ABCC2: variants seen among roughly 807,000 people sequenced by gnomAD.
ABCC2 encodes ATP binding cassette subfamily C member 2.
A neutral mutation model predicts 173.4 loss-of-function variants in ABCC2; 157 were observed. The ratio of observed to expected loss-of-function variants is 0.91; its 90% confidence interval spans 0.80 to 1.03. The LOEUF (loss-of-function observed/expected upper bound fraction) is 1.03. ABCC2 is among the 50% of genes least tolerant of loss of function. The pLI is 0.00. For missense variants in ABCC2, 1,822 were observed against 1,852.3 expected (o/e 0.98, Z 0.30); for synonymous variants, 657 against 693.5 (o/e 0.95, Z 0.83).
rs1041492845 is a variant in ABCC2 at position 99,846,954 on chromosome 10, C to T, written c.4147-7C>T. 14 of 1,614,042 alleles carry T rather than the reference C, an allele frequency of 8.7e-6. No homozygotes were observed. Among genetic ancestry groups the T allele is most frequent in the Non-Finnish European group, 1.2e-5 (14 of 1,180,014 alleles). ...CCCCAACAGCCCCCTTGTCCTTTCACTTGCAGGACCCCATCCTGTTCTCTG... is the reference window on the plus strand; with the variant it reads ...CCCCAACAGCCCCCTTGTCCTTTCATTTGCAGGACCCCATCCTGTTCTCTG... On this transcript the variant is annotated splice_region_variant and splice_polypyrimidine_tract_variant and intron_variant, in intron 29 of 31. Coordinates refer to ENST00000647814, the MANE Select transcript of ABCC2 (RefSeq NM_000392.5).
intron 19 of ABCC2, among the ~76,000 whole-genome samples, chr10:99,825,486 C>T (rs2038619929): frequency 6.6e-6 from 1 of 152,292 alleles, no homozygotes; most frequent in South Asian, 2.1e-4. Context: ...GCCCAATATG[C>T]AGCCTTTCCT....
intron 12 of ABCC2, 30 bp downstream of exon 12, chr10:99,807,551 T>G: frequency 6.2e-7 from 1 of 1,613,852 alleles, no homozygotes; most frequent in Non-Finnish European, 8.5e-7. Context: ...ATGGGCTGCG[T>G]ATTCACCTGG....
rs1190454438 is a variant in ABCC2 at position 99,793,528 on chromosome 10, ACAT to A, written c.334-19_334-17del. 6.2e-7 allele frequency: 1 copy of A among 1,613,924 alleles called. No homozygotes were observed. The highest frequency in any genetic ancestry group is 8.5e-7 in the Non-Finnish European group (1 of 1,179,878). On this transcript the variant is annotated intron_variant, in intron 3 of 31. Coordinates refer to ENST00000647814, the MANE Select transcript of ABCC2 (RefSeq NM_000392.5). The stretch of plus-strand genomic sequence containing the variant: ...TCGGTTAGTGGCAGTATTCTTCAGA[ACAT>A]CATGTGAATTTCTCTCCAGCTCCTG...
intron 23 of ABCC2, among the ~76,000 whole-genome samples, chr10:99,832,746 T>C (rs2038761303): frequency 6.6e-6 from 1 of 152,210 alleles, no homozygotes; most frequent in African/African-American, 2.4e-5. Context: ...ATCAGTGATT[T>C]TAAAAAGTTC....
chr10:99,833,285 G>T (rs1002036187), intron 23 of ABCC2, among the ~76,000 whole-genome samples: 1 of 152,186 alleles, frequency 6.6e-6, no homozygotes, highest in African/African-American at 2.4e-5. Flanking sequence ...ATTTCTCATA[G>T]TAATTTTGTA....
chr10:99,788,773 G>A (rs1323797679), intron 2 of ABCC2: 1 of 152,580 alleles, frequency 6.6e-6, no homozygotes, highest in Non-Finnish European at 1.5e-5. Context: ...ATTTTTCCGG[G>A]ACTGGTTGTT....
At chr10:99,827,109 G>C (rs922517603) in intron 19 of ABCC2, among the ~76,000 whole-genome samples, 1 of 151,662 alleles carries the variant, frequency 6.6e-6, no homozygotes, top group African/African-American at 2.4e-5. Context: ...GCCCTGTGGT[G>C]CTGGGGGCAT....
At chr10:99,793,448 C>T in intron 3 of ABCC2, 103 bp from the exon 4 acceptor site, 1 of 1,538,610 alleles carries the variant, frequency 6.5e-7, no homozygotes, top group East Asian at 2.3e-5. Flanking sequence ...CGACAGTCTC[C>T]TCCCTCAGCC....
chr10:99,823,349 A>G (rs1336675012), intron 19 of ABCC2, among the ~76,000 whole-genome samples: 5 of 151,828 alleles, frequency 3.3e-5, no homozygotes. Flanking sequence ...CTGGTAAATT[A>G]CTGTGTGCTC....
Position 99,813,090 on chromosome 10 carries a change from G to T in ABCC2, c.2040G>T (p.Leu680Phe). 2 of 1,614,048 alleles carry T rather than the reference G, an allele frequency of 1.2e-6. No individual in the cohort carries two copies. Among genetic ancestry groups the T allele is most frequent in the Non-Finnish European group, 1.7e-6 (2 of 1,179,948 alleles). ...CTGTCGGCTCTGGGAAATCCTCCTT[G>T]ATATCAGCCATGCTGGGAGAAATGG... ...IGPVGSGKSS[L>F]ISAMLGEMEN... The change falls in exon 16 of 32, where the codon TTG becomes TTT. Residue 680 changes from leucine (L) to phenylalanine (F), a missense_variant. Transcript: ENST00000647814.
intron 19 of ABCC2, among the ~76,000 whole-genome samples, chr10:99,829,168 G>A (rs2038694955): frequency 6.6e-6 from 1 of 152,164 alleles, no homozygotes; most frequent in Non-Finnish European, 1.5e-5. Flanking sequence ...AGATAGGTGA[G>A]ATAATGTCAG....
chr10:99,846,851 C>T, intron 29 of ABCC2, 110 bp from the exon 30 acceptor site: 6 of 1,451,804 alleles, frequency 4.1e-6, no homozygotes, highest in Non-Finnish European at 3.9e-6. Context: ...AGCTTCCTGC[C>T]TCAGGAATCC....
At chr10:99,829,890 G>A (rs1590180973) in intron 19 of ABCC2, among the ~76,000 whole-genome samples, 1 of 152,008 alleles carries the variant, frequency 6.6e-6, no homozygotes, top group South Asian at 2.1e-4. Flanking sequence ...CCTCCCAAAG[G>A]GCTGGGATTA....
rs776233611 is a variant in ABCC2, at chr10:99,852,094, C to G, written c.*463C>G. The G allele has an allele frequency of 4.7e-5, 8 of 169,286 alleles. No individual in the cohort carries two copies. Among genetic ancestry groups the G allele is most frequent in the Non-Finnish European group, 8.9e-5 (7 of 78,276 alleles). The allele number at this position is 169,286 out of a possible 1,614,324, so 10.5% of individuals were successfully genotyped here. A position where few individuals can be genotyped will look rare whatever the true frequency, so the allele number is the denominator to read the frequency against. ...TTATTTTTTTTCACTGCTCTGTAGT[C>G]TGGCATTGTATGAATACAGCACAAT... On this transcript the variant is annotated 3_prime_UTR_variant, in exon 32 of 32. Coordinates refer to ENST00000647814, the MANE Select transcript of ABCC2 (RefSeq NM_000392.5).
In ABCC2 at chr10:99,789,696, C is replaced by A. The variant is rs1317055004; in HGVS notation, c.208-2538C>A. 2.6e-5 allele frequency among the ~76,000 whole-genome samples: 3 copies of A among 115,618 alleles called. No homozygotes were observed. In the East Asian group the frequency reaches 7.5e-4, roughly 29 times the overall value. 75.8% of individuals were successfully genotyped at this position (115,618 alleles called of 152,430 possible). ...CTACACTCCAGCCTGGGTGACAGAG[C>A]GAAACTCCGTCTCAAAAAAAAAAAA... On this transcript the variant is annotated intron_variant, in intron 2 of 31. Coordinates refer to ENST00000647814, the MANE Select transcript of ABCC2 (RefSeq NM_000392.5).
chr10:99,794,830 A>G (rs894444400), intron 6 of ABCC2, among the ~76,000 whole-genome samples: 34 of 152,074 alleles, frequency 2.2e-4, no homozygotes, highest in African/African-American at 8.0e-4. Context: ...CATGAGCTAC[A>G]GCGCTCAGCC....
chr10:99,816,329 G>A (rs1254028177), intron 16 of ABCC2, among the ~76,000 whole-genome samples: 1 of 149,790 alleles, frequency 6.7e-6, no homozygotes, highest in Non-Finnish European at 1.5e-5. Flanking sequence ...TGTCTCCCAG[G>A]CTGGAGTGCA....
Position 99,782,705 on chromosome 10 carries a change from G to A in ABCC2, c.-140G>A. 1 of 963,104 alleles carries A rather than the reference G, an allele frequency of 1.0e-6. No individual in the cohort carries two copies. The highest frequency in any genetic ancestry group is 2.3e-4 in the Middle Eastern group (1 of 4,352). The allele number at this position is 963,104 out of a possible 1,614,324, so 59.7% of individuals were successfully genotyped here. A position where few individuals can be genotyped will look rare whatever the true frequency, so the allele number is the denominator to read the frequency against. On this transcript the variant is annotated 5_prime_UTR_variant, in exon 1 of 32. Coordinates refer to ENST00000647814, the MANE Select transcript of ABCC2 (RefSeq NM_000392.5). ...AGGCAAGGTTAACGATTAAATGGTTGGGATGAAAGGTCATCCTTTACGGAG... is the reference window on the plus strand; with the variant it reads ...AGGCAAGGTTAACGATTAAATGGTTAGGATGAAAGGTCATCCTTTACGGAG...
chr10:99,786,571 T>C (rs923351242), intron 2 of ABCC2, among the ~76,000 whole-genome samples: 2 of 152,234 alleles, frequency 1.3e-5, no homozygotes, highest in African/African-American at 4.8e-5. Context: ...AGTTCTCTCA[T>C]TTAATACAAT....
Sources: gnomAD v4.1 joint callset for allele counts (sites outside exome capture counted in the v4.1 genomes callset) on GRCh38, gnomAD v4.1.1 for gene constraint, MANE v1.5 for transcripts, NCBI Gene and HGNC (gene_info 2026-07-23, HGNC 2026-07-21) for gene names.